The following CRYL1 variants were observed in gnomAD, a reference collection of about 807,000 sequenced individuals.
CRYL1 encodes the protein lambda-crystallin homolog.
CRYL1 carries 29 observed loss-of-function variants against 36.6 expected under a neutral mutation model. The observed-to-expected ratio is 0.79, with a 90% CI of 0.59 to 1.08. The LOEUF is 1.08. CRYL1 is among the 50% of genes least tolerant of loss of function. CRYL1 has a pLI of 0.00. For missense variants in CRYL1, 411 were observed against 407.9 expected, an observed-to-expected ratio of 1.01 and a Z score of -0.06; for synonymous variants, 152 against 151.5, an observed-to-expected ratio of 1.00 and a Z score of -0.02.
At chr13:20,484,782 A>G (rs575685490) in intron 3 of CRYL1, among the ~76,000 whole-genome samples, 1 of 152,360 alleles carries the variant, frequency 6.6e-6, no homozygotes, top group African/African-American at 2.4e-5. Context: ...ACATATAAAT[A>G]CACAAAAATC....
chr13:20,416,442 G>A (rs1196874848), intron 5 of CRYL1, among the ~76,000 whole-genome samples: 1 of 152,232 alleles, frequency 6.6e-6, no homozygotes, highest in East Asian at 1.9e-4. Context: ...TCTGGAGGCA[G>A]GAAGGGTGGC....
At chr13:20,410,892 CGG>C (rs1565955116) in intron 6 of CRYL1, among the ~76,000 whole-genome samples, 2 of 152,216 alleles carry the variant, frequency 1.3e-5, no homozygotes, top group African/African-American at 2.4e-5. Flanking sequence ...AGGAGCCGGC[CGG>C]CTGGCTCCAC....
chr13:20,499,526 G>A (rs902358578), intron 2 of CRYL1, among the ~76,000 whole-genome samples: 8 of 151,624 alleles, frequency 5.3e-5, no homozygotes, highest in East Asian at 1.9e-4. Flanking sequence ...GGTGGCAGGC[G>A]CCTGTAGTCC....
At chr13:20,477,962 ATT>A (rs1373301249) in intron 3 of CRYL1, among the ~76,000 whole-genome samples, 1 of 142,584 alleles carries the variant, frequency 7.0e-6, no homozygotes, top group African/African-American at 2.6e-5. Context: ...TAATATATAT[ATT>A]ACGTAGTTAT....
chr13:20,454,156 G>A (rs554845058), intron 3 of CRYL1, among the ~76,000 whole-genome samples: 139 of 151,986 alleles, frequency 9.1e-4, no homozygotes, highest in South Asian at 6.0e-3. Flanking sequence ...CAGAATCACC[G>A]TAATATCAAA....
chr13:20,404,152 T>C lies in CRYL1; in HGVS notation c.937A>G (p.Lys313Glu). The C allele has an allele frequency of 6.2e-7, 1 of 1,613,794 alleles. No homozygotes were observed. The highest frequency in any genetic ancestry group is 1.1e-5 in the South Asian group (1 of 91,072). ...ATTCACTGGGGCTGCACTTGACTCT[T>C]CAACTTGGCGAGTCTCATGAGGCAC... is the stretch of plus-strand genomic sequence containing the variant. ...DECLMRLAKLKSQVQPQ is the reference protein window; with the variant it reads ...DECLMRLAKLESQVQPQ Residue 313 changes from lysine to glutamate, a missense_variant, in exon 8 of 8, where the codon AAG becomes GAG. Lys to Glu is a moderately conservative substitution (Grantham distance 56). Coordinates refer to ENST00000298248, the MANE Select transcript of CRYL1 (RefSeq NM_015974.3).
At chr13:20,420,588 T>G in intron 5 of CRYL1, among the ~76,000 whole-genome samples, 1 of 149,648 alleles carries the variant, frequency 6.7e-6, no homozygotes, top group East Asian at 2.0e-4. Context: ...AAAACTTGAG[T>G]AGCATGTTCA....
intron 2 of CRYL1, among the ~76,000 whole-genome samples, chr13:20,511,413 G>C (rs2033916325): frequency 6.6e-6 from 1 of 152,004 alleles, no homozygotes; most frequent in African/African-American, 2.4e-5. Flanking sequence ...TTTTTAGATT[G>C]ACATTTTACC....
intron 1 of CRYL1, among the ~76,000 whole-genome samples, chr13:20,518,563 T>C (rs2034042190): frequency 6.6e-6 from 1 of 152,164 alleles, no homozygotes; most frequent in East Asian, 1.9e-4. Flanking sequence ...TGGAGGGATT[T>C]TGGTTTTTAC....
intron 3 of CRYL1, among the ~76,000 whole-genome samples, chr13:20,461,607 C>G (rs936897364): frequency 2.0e-5 from 3 of 152,074 alleles, no homozygotes; most frequent in African/African-American, 7.2e-5. Flanking sequence ...TCACCTCCAG[C>G]AGCTCAGAAC....
chr13:20,522,647 G>A (rs1037601901), intron 1 of CRYL1, among the ~76,000 whole-genome samples: 2 of 152,150 alleles, frequency 1.3e-5, no homozygotes, highest in Admixed American at 1.3e-4. Context: ...TCCTGGAGGA[G>A]ACAGTCCCTG....
rs61380702 is a variant in CRYL1 at position 20,505,359 on chromosome 13, CAA to C, written c.149+7082_149+7083del. On this transcript the variant is annotated intron_variant, in intron 2 of 7. Transcript: ENST00000298248. Reference sequence around the variant, plus strand: ...GCAACAAAGTGAGACTCTATCCCACCAAAAAAAAAAAAAAAAAAAAAAATCAG... The same window carrying C: ...GCAACAAAGTGAGACTCTATCCCACCAAAAAAAAAAAAAAAAAAAAATCAG... 2.1e-3 allele frequency among the ~76,000 whole-genome samples: 189 copies of C among 91,218 alleles called. 2 individuals are homozygous for C. Among genetic ancestry groups the C allele is most frequent in the African/African-American group, 6.2e-3 (166 of 26,916 alleles). The allele number at this position is 91,218 out of a possible 152,430, so 59.8% of individuals were successfully genotyped here.
At chr13:20,430,056 C>T (rs1392851681) in intron 5 of CRYL1, among the ~76,000 whole-genome samples, 7 of 152,132 alleles carry the variant, frequency 4.6e-5, no homozygotes, top group Non-Finnish European at 8.8e-5. Flanking sequence ...ACTAAAGCCC[C>T]TCATACCCTG....
chr13:20,424,403 A>C (rs1260329564), intron 5 of CRYL1, among the ~76,000 whole-genome samples: 1 of 152,198 alleles, frequency 6.6e-6, no homozygotes, highest in Non-Finnish European at 1.5e-5. Context: ...CCTCCCAGGG[A>C]CTAGGAGCTG....
intron 3 of CRYL1, among the ~76,000 whole-genome samples, chr13:20,447,951 A>C (rs1220527221): frequency 6.6e-6 from 1 of 152,254 alleles, no homozygotes; most frequent in African/African-American, 2.4e-5. Flanking sequence ...TATACAAAAA[A>C]GCAGGAGAAA....
intron 4 of CRYL1, among the ~76,000 whole-genome samples, chr13:20,433,439 C>A (rs1296218197): frequency 6.6e-6 from 1 of 152,164 alleles, no homozygotes; most frequent in Non-Finnish European, 1.5e-5. Context: ...GTCACATTTG[C>A]TAAGTGATGC....
intron 1 of CRYL1, among the ~76,000 whole-genome samples, chr13:20,521,102 CAAAAAAA>C (rs55882188): frequency 2.0e-4 from 15 of 75,568 alleles, no homozygotes; most frequent in East Asian, 1.2e-3. Flanking sequence ...GACTCCGTCT[CAAAAAAA>C]AAAAAAAAAA....
At chr13:20,427,885 G>C (rs571313870) in intron 5 of CRYL1, among the ~76,000 whole-genome samples, 1 of 151,864 alleles carries the variant, frequency 6.6e-6, no homozygotes, top group South Asian at 2.1e-4. Context: ...GAGGACTACC[G>C]AGAACTTTAT....
At chr13:20,509,388 C>T (rs1240475875) in intron 2 of CRYL1, among the ~76,000 whole-genome samples, 2 of 151,914 alleles carry the variant, frequency 1.3e-5, no homozygotes, top group Non-Finnish European at 2.9e-5. Context: ...ACTTCTACTT[C>T]CAGCACTATG....
Sources: gnomAD v4.1 joint callset for allele counts (sites outside exome capture counted in the v4.1 genomes callset) on GRCh38, gnomAD v4.1.1 for gene constraint, MANE v1.5 for transcripts, NCBI Gene and HGNC (gene_info 2026-07-23, HGNC 2026-07-21) for gene names.